Variants in CFAP54 observed in about 807,000 individuals in gnomAD.
CFAP54 encodes the protein cilia- and flagella-associated protein 54.
CFAP54 carries 290 observed loss-of-function variants against 370.4 expected under a neutral mutation model. The observed-to-expected ratio is 0.78, with a 90% CI of 0.71 to 0.86. The LOEUF (loss-of-function observed/expected upper bound fraction) is 0.86. Among genes scored for constraint, CFAP54 ranks in the 40% least tolerant of loss-of-function variants. CFAP54 has a pLI of 0.00. For synonymous variants in CFAP54, 1,206 were observed against 1,236.5 expected (o/e 0.98, Z 0.52); for missense variants, 3,399 against 3,528.7 (o/e 0.96, Z 0.93).
At chr12:96,700,220 GT>G in intron 46 of CFAP54, 127 bp downstream of exon 46, 1 of 1,023,722 alleles carries the variant, frequency 9.8e-7, no homozygotes, top group Non-Finnish European at 1.4e-6. Flanking sequence ...GTTAAGCCTG[GT>G]TACAACTAAC....
At chr12:96,815,450 A>G (rs888722116) in intron 64 of CFAP54, among the ~76,000 whole-genome samples, 4 of 152,076 alleles carry the variant, frequency 2.6e-5, no homozygotes, top group African/African-American at 9.7e-5. Context: ...GATTCTGGAT[A>G]TTAGACCTTT....
intron 65 of CFAP54, among the ~76,000 whole-genome samples, chr12:96,825,871 G>T (rs1156784214): frequency 2.6e-4 from 34 of 132,332 alleles, no homozygotes; most frequent in Non-Finnish European, 4.4e-4. Context: ...ATATATAACA[G>T]AATATATCAA....
At chr12:96,750,190 C>G (rs1395903723) in intron 55 of CFAP54, among the ~76,000 whole-genome samples, 3 of 152,180 alleles carry the variant, frequency 2.0e-5, no homozygotes, top group Admixed American at 2.0e-4. Flanking sequence ...GCTGCCTGCC[C>G]TGGTTCCCAG....
intron 65 of CFAP54, among the ~76,000 whole-genome samples, chr12:96,825,066 G>C (rs1469596830): frequency 1.3e-5 from 2 of 149,628 alleles, no homozygotes; most frequent in Non-Finnish European, 3.0e-5. Flanking sequence ...CAATGCCCTG[G>C]TCCCCAATCT....
chr12:96,506,646 G>T (rs964552907), intron 3 of CFAP54, among the ~76,000 whole-genome samples: 1 of 149,578 alleles, frequency 6.7e-6, no homozygotes, highest in Admixed American at 6.7e-5. Flanking sequence ...GAATGCAGTG[G>T]CACGATCTTG....
intron 5 of CFAP54, among the ~76,000 whole-genome samples, chr12:96,515,142 G>A (rs1316634159): frequency 6.6e-6 from 1 of 151,738 alleles, no homozygotes; most frequent in Non-Finnish European, 1.5e-5. Flanking sequence ...TGAGTAGCTG[G>A]GATTACAGGC....
At chr12:96,827,624 TTATA>T (rs147357220) in intron 65 of CFAP54, among the ~76,000 whole-genome samples, 2 of 69,786 alleles carry the variant, frequency 2.9e-5, no homozygotes, top group Non-Finnish European at 3.3e-5. Flanking sequence ...TTATATGTGA[TTATA>T]TATAATGTGT....
chr12:96,776,367 A>G (rs1958518541), intron 60 of CFAP54, among the ~76,000 whole-genome samples: 1 of 152,124 alleles, frequency 6.6e-6, no homozygotes, highest in Non-Finnish European at 1.5e-5. Flanking sequence ...CAGTTCTATT[A>G]GAAATTAAAG....
At chr12:96,830,375 T>C (rs1004635590) in intron 66 of CFAP54, among the ~76,000 whole-genome samples, 3 of 152,034 alleles carry the variant, frequency 2.0e-5, no homozygotes, top group Non-Finnish European at 4.4e-5. Flanking sequence ...ATTTTCTGTT[T>C]GTGTGTGTGT....
intron 39 of CFAP54, among the ~76,000 whole-genome samples, chr12:96,664,716 TA>T (rs1957047525): frequency 1.6e-4 from 1 of 6,342 alleles, no homozygotes; most frequent in Non-Finnish European, 3.5e-4. Context: ...TATATATATC[TA>T]TATATATCTA....
At chr12:96,587,593 T>C (rs1025869004) in intron 22 of CFAP54, among the ~76,000 whole-genome samples, 20 of 152,182 alleles carry the variant, frequency 1.3e-4, no homozygotes, top group African/African-American at 4.8e-4. Context: ...CAAAACCTCA[T>C]GATTTTATAA....
In CFAP54 at chr12:96,628,650, G is replaced by A. The variant is rs77136720; in HGVS notation, c.4104-1443G>A. Among the ~76,000 whole-genome samples, 1,167 of 152,272 alleles carry A rather than the reference G, an allele frequency of 7.7e-3. 12 individuals are homozygous for A. The highest frequency in any genetic ancestry group is 0.02 in the Middle Eastern group (6 of 294). ...TAGGCAGCAAAACATTTGCCCAAAC[G>A]AATGTCAACTAACTGGGTGATTCTT... On this transcript the variant is annotated intron_variant, in intron 30 of 67. Coordinates refer to ENST00000524981, the MANE Select transcript of CFAP54 (RefSeq NM_001306084.2).
At chr12:96,791,058 A>C (rs534134737) in intron 62 of CFAP54, among the ~76,000 whole-genome samples, 1 of 152,312 alleles carries the variant, frequency 6.6e-6, no homozygotes, top group Non-Finnish European at 1.5e-5. Flanking sequence ...CTTGGTCCTC[A>C]AACCTTGACA....
At chr12:96,773,963 T>G (rs1234175811) in intron 60 of CFAP54, among the ~76,000 whole-genome samples, 1 of 152,228 alleles carries the variant, frequency 6.6e-6, no homozygotes, top group African/African-American at 2.4e-5. Context: ...CACTTTGTAC[T>G]CCTGTCAGCA....
chr12:96,554,243 T>C lies in CFAP54; in HGVS notation c.2216T>C (p.Ile739Thr). The change falls in exon 16 of 68, where the codon ATA (isoleucine) becomes ACA (threonine). Residue 739 changes from isoleucine to threonine, a missense_variant. Physicochemically the swap from Ile to Thr is moderately conservative, Grantham distance 89. Coordinates refer to ENST00000524981, the MANE Select transcript of CFAP54 (RefSeq NM_001306084.2). Reference sequence around the variant, plus strand: ...CTTCTTGACAGAGCAATCGGTGGAATAAATTTGAATTGCATGTTAACCTCT... The same window carrying C: ...CTTCTTGACAGAGCAATCGGTGGAACAAATTTGAATTGCATGTTAACCTCT... ...YKLLDRAIGG[I>T]NLNCMLTSLP... 3 of 1,528,464 alleles carry C rather than the reference T, an allele frequency of 2.0e-6. No homozygotes were observed. Among genetic ancestry groups the C allele is most frequent in the East Asian group, 2.5e-5 (1 of 40,490 alleles). The allele number at this position is 1,528,464 out of a possible 1,614,324, so 94.7% of individuals were successfully genotyped here.
intron 48 of CFAP54, among the ~76,000 whole-genome samples, chr12:96,713,835 A>G (rs1957642253): frequency 6.6e-6 from 1 of 152,092 alleles, no homozygotes; most frequent in Non-Finnish European, 1.5e-5. Flanking sequence ...AAATACCGAG[A>G]CCCTGAGATG....
chr12:96,548,406 A>G (rs1299773881), intron 15 of CFAP54, among the ~76,000 whole-genome samples: 1 of 151,560 alleles, frequency 6.6e-6, no homozygotes, highest in East Asian at 1.9e-4. Context: ...CCCCCCTCAC[A>G]TTTATATTTG....
At chr12:96,672,248 A>T (rs1957155613) in intron 39 of CFAP54, among the ~76,000 whole-genome samples, 2 of 152,134 alleles carry the variant, frequency 1.3e-5, no homozygotes, top group Middle Eastern at 3.2e-3. Flanking sequence ...AGAGAGAGAG[A>T]GTGGGATACA....
intron 33 of CFAP54, among the ~76,000 whole-genome samples, 193 bp from the exon 34 acceptor site, chr12:96,647,682 A>C (rs1956811923): frequency 6.6e-6 from 1 of 152,008 alleles, no homozygotes; most frequent in Admixed American, 6.6e-5. Flanking sequence ...AAAATTCCTA[A>C]GAGCAAAATT....
Sources: allele counts gnomAD v4.1 joint callset (sites outside exome capture counted in the v4.1 genomes callset), GRCh38; gene constraint gnomAD v4.1.1; transcripts MANE v1.5; gene names NCBI Gene and HGNC (gene_info 2026-07-23, HGNC 2026-07-21).